Variants in ACCSL observed in about 807,000 individuals in gnomAD.
ACCSL encodes the protein 1-aminocyclopropane-1-carboxylate synthase homolog (inactive) like, also known as probable inactive 1-aminocyclopropane-1-carboxylate synthase-like protein 2.
In ACCSL, 55 loss-of-function variants were observed where a neutral mutation model predicts 61.7. The ratio of observed to expected loss-of-function variants is 0.89; its 90% CI spans 0.72 to 1.12. ACCSL has a LOEUF of 1.12. Among genes scored for constraint, ACCSL ranks in the 50% most tolerant of loss-of-function variants. The pLI, the probability that ACCSL is intolerant of heterozygous loss-of-function variation, is 0.00. For synonymous variants in ACCSL, 258 were observed against 264.3 expected (o/e 0.98, Z 0.23); for missense variants, 632 against 698.0 (o/e 0.91, Z 1.07).
chr11:44,058,843 A>T, intron 13 of ACCSL, 144 bp downstream of exon 13: 1 of 1,036,270 alleles, frequency 9.6e-7, no homozygotes, highest in Non-Finnish European at 1.4e-6. Context: ...GTGCTCTTGC[A>T]AACAAGAACT....
chr11:44,011,134 T>C, the ACCSL span, among the ~76,000 whole-genome samples: 3 of 152,096 alleles, frequency 2.0e-5, no homozygotes, highest in African/African-American at 7.2e-5. Flanking sequence ...TTCCTAAGGG[T>C]GTCTCAGATC....
At chr11:43,992,338 C>G in the ACCSL span, among the ~76,000 whole-genome samples, 1 of 152,160 alleles carries the variant, frequency 6.6e-6, no homozygotes, top group African/African-American at 2.4e-5. Flanking sequence ...TGAGCCACCG[C>G]GCCCGGCCCT....
the ACCSL span, among the ~76,000 whole-genome samples, chr11:43,937,481 A>G: frequency 6.6e-6 from 1 of 152,236 alleles, no homozygotes; most frequent in African/African-American, 2.4e-5. Flanking sequence ...CCAGACTAGC[A>G]CACGTCTCTA....
chr11:43,943,306 C>A, the ACCSL span: 1 of 1,443,524 alleles, frequency 6.9e-7, no homozygotes, highest in Admixed American at 3.1e-5. This position sits in a 1 kb window ranked among gnomAD's most constrained non-coding sequence, Gnocchi z 4.8. Flanking sequence ...CGCGCGCGTC[C>A]GCGGTCCGCG....
the ACCSL span, among the ~76,000 whole-genome samples, chr11:43,962,981 G>C: frequency 0.046 from 6,944 of 152,234 alleles, 271 homozygotes; most frequent in Non-Finnish European, 0.064. Context: ...ACTCTGTATT[G>C]CCTGTGTTCT....
intron 1 of ACCSL, 112 bp downstream of exon 1, chr11:44,048,652 A>T: frequency 9.2e-7 from 1 of 1,082,608 alleles, no homozygotes; most frequent in Admixed American, 2.2e-5. Context: ...AGCCTTATGA[A>T]ACGGGCACTC....
At chr11:44,003,458 G>C in the ACCSL span, among the ~76,000 whole-genome samples, 562 of 152,200 alleles carry the variant, frequency 3.7e-3, 5 homozygotes, top group African/African-American at 0.013. Context: ...TTCAAGACCA[G>C]CCTGGCCAAC....
At chr11:43,943,429 G>A in the ACCSL span, 180 of 1,447,582 alleles carry the variant, frequency 1.2e-4, 1 homozygote, top group South Asian at 2.2e-3. The surrounding 1 kb of genome is among the most constrained non-coding windows in gnomAD (Gnocchi z 4.8). Flanking sequence ...CTGCGAACCG[G>A]TCGGTGCGCC....
At chr11:43,992,015 TTTC>T in the ACCSL span, among the ~76,000 whole-genome samples, 1 of 151,502 alleles carries the variant, frequency 6.6e-6, no homozygotes, top group Non-Finnish European at 1.5e-5. Context: ...TTTTTTTTTC[TTTC>T]TTTTTTTCCT....
At chr11:43,952,676 G>A in the ACCSL span, among the ~76,000 whole-genome samples, 3 of 152,166 alleles carry the variant, frequency 2.0e-5, no homozygotes, top group Admixed American at 1.3e-4. Flanking sequence ...GCCCTTAAAA[G>A]GGACAGGAAT....
At chr11:43,945,987 C>T in the ACCSL span, among the ~76,000 whole-genome samples, 1 of 152,352 alleles carries the variant, frequency 6.6e-6, no homozygotes, top group Non-Finnish European at 1.5e-5. Flanking sequence ...TGGGCAGGCC[C>T]AGCACTGAGT....
At chr11:43,921,573 A>C in the ACCSL span, among the ~76,000 whole-genome samples, 2 of 152,222 alleles carry the variant, frequency 1.3e-5, no homozygotes, top group Non-Finnish European at 2.9e-5. Context: ...TTTGGTGATC[A>C]GTTTGATGCA....
the ACCSL span, among the ~76,000 whole-genome samples, chr11:43,928,023 C>T: frequency 9.9e-4 from 150 of 152,262 alleles, 1 homozygote; most frequent in Middle Eastern, 3.4e-3. Flanking sequence ...TTAGAGCTGG[C>T]AGAATATGAG....
At chr11:43,933,009 G>T in the ACCSL span, 1 of 452,804 alleles carries the variant, frequency 2.2e-6, no homozygotes, top group Non-Finnish European at 4.4e-6. Flanking sequence ...TGTAGCTGGG[G>T]CTTGGTACTA....
chr11:44,027,989 A>G, the ACCSL span, among the ~76,000 whole-genome samples: 3 of 152,028 alleles, frequency 2.0e-5, no homozygotes, highest in African/African-American at 4.8e-5. Context: ...ACAGAGTGAA[A>G]CTCTATCTCT....
At chr11:44,034,586 G>T in the ACCSL span, among the ~76,000 whole-genome samples, 39 of 152,054 alleles carry the variant, frequency 2.6e-4, 1 homozygote, top group East Asian at 4.4e-3. Context: ...AGCTTGTACA[G>T]GGAAATTCCC....
chr11:44,000,907 A>G, the ACCSL span, among the ~76,000 whole-genome samples: 9 of 152,162 alleles, frequency 5.9e-5, no homozygotes, highest in Non-Finnish European at 1.5e-5. Flanking sequence ...AGAGACAACT[A>G]TGCTATAAGC....
intron 8 of ACCSL, among the ~76,000 whole-genome samples, chr11:44,054,725 G>T (rs1163394130): frequency 1.3e-5 from 2 of 152,110 alleles, no homozygotes; most frequent in African/African-American, 4.8e-5. Flanking sequence ...AAAGTGCTGG[G>T]ATTACAGGCC....
chr11:43,956,361 T>C, the ACCSL span, among the ~76,000 whole-genome samples: 1 of 152,152 alleles, frequency 6.6e-6, no homozygotes, highest in Non-Finnish European at 1.5e-5. Flanking sequence ...TAAACTTGAT[T>C]AACAAAGGCA....
Sources: gnomAD v4.1 joint callset for allele counts (sites outside exome capture counted in the v4.1 genomes callset) on GRCh38, gnomAD v4.1.1 for gene constraint, Gnocchi (gnomAD v3.1) non-coding constraint, MANE v1.5 for transcripts, NCBI Gene and HGNC (gene_info 2026-07-23, HGNC 2026-07-21) for gene names.